CDH2: variants seen among roughly 807,000 people sequenced by gnomAD.
The protein encoded by CDH2 is cadherin 2.
A neutral mutation model predicts 92.0 loss-of-function variants in CDH2; 17 were observed. The observed-to-expected ratio is 0.18, with a 90% CI of 0.13 to 0.28. The LOEUF (loss-of-function observed/expected upper bound fraction) is 0.28, where lower values mean the gene tolerates loss of function less well. Among genes scored for constraint, CDH2 ranks in the 10% least tolerant of loss-of-function variants. The probability of loss-of-function intolerance (pLI) is 1.00; values close to 1 mark genes in which losing one functional copy is unlikely to be tolerated. For missense variants in CDH2, 862 were observed against 1,133.1 expected, an observed-to-expected ratio of 0.76 and a Z score of 3.44; for synonymous variants, 419 against 415.9, an observed-to-expected ratio of 1.01 and a Z score of -0.09.
chr18:28,034,894 A>G (rs2013788274), intron 2 of CDH2, among the ~76,000 whole-genome samples: 1 of 152,036 alleles, frequency 6.6e-6, no homozygotes, highest in African/African-American at 2.4e-5. Flanking sequence ...AAAGTAATGG[A>G]TGTCAAATGG....
downstream of CDH2, among the ~76,000 whole-genome samples, chr18:27,948,087 T>C (rs563859021): frequency 2.0e-5 from 3 of 150,520 alleles, no homozygotes; most frequent in Non-Finnish European, 1.5e-5. Context: ...GTTGGGTTTA[T>C]ACTGAAGTTT....
At chr18:27,939,453 T>C (rs144704414) in intron 6 of CDH2, among the ~76,000 whole-genome samples, 4 of 152,134 alleles carry the variant, frequency 2.6e-5, no homozygotes, top group African/African-American at 9.6e-5. Flanking sequence ...ATAGTAGAAA[T>C]GGAGGGGGTG....
intron 1 of CDH2, among the ~76,000 whole-genome samples, chr18:28,152,899 GAT>G (rs1381857852): frequency 1.3e-5 from 2 of 152,114 alleles, no homozygotes; most frequent in African/African-American, 4.8e-5. Flanking sequence ...AGATAGTTAA[GAT>G]CGATAGGGCC....
At chr18:27,956,918 A>G (rs1434391940) in intron 15 of CDH2, among the ~76,000 whole-genome samples, 4 of 152,152 alleles carry the variant, frequency 2.6e-5, no homozygotes, top group Non-Finnish European at 5.9e-5. Flanking sequence ...GCATACAGTA[A>G]AACTCTTTAG....
intron 2 of CDH2, among the ~76,000 whole-genome samples, chr18:28,047,016 C>T (rs554363159): frequency 1.4e-4 from 22 of 152,294 alleles, no homozygotes; most frequent in African/African-American, 5.3e-4. Flanking sequence ...TTATACATTA[C>T]TGGAATGTGC....
Position 27,985,028 on chromosome 18 carries a change from G to A in CDH2, c.2181C>T (p.Ala727=). 1 of 1,613,824 alleles carries A rather than the reference G, an allele frequency of 6.2e-7. No individual in the cohort carries two copies. The highest frequency in any genetic ancestry group is 8.5e-7 in the Non-Finnish European group (1 of 1,179,694). The change falls in exon 13 of 16, where the codon GCC becomes GCT. Residue 727 remains alanine (A), a synonymous_variant. Transcript: ENST00000269141. ...GCAGGATGATGATGCAGAGCAGGATGGCAATGATGGCACCGGTGCCAAGCC... is the reference window on the plus strand; with the variant it reads ...GCAGGATGATGATGCAGAGCAGGATAGCAATGATGGCACCGGTGCCAAGCC... ...GAGLGTGAII[A]ILLCIIILLI...
At chr18:28,066,486 T>C (rs1369437346) in intron 2 of CDH2, among the ~76,000 whole-genome samples, 1 of 152,152 alleles carries the variant, frequency 6.6e-6, no homozygotes, top group Non-Finnish European at 1.5e-5. Flanking sequence ...GGAATTGTAT[T>C]GACAACCCCC....
intron 2 of CDH2, among the ~76,000 whole-genome samples, chr18:28,109,414 T>C (rs568371661): frequency 2.2e-4 from 33 of 152,306 alleles, no homozygotes; most frequent in African/African-American, 7.2e-4. Flanking sequence ...CAGTAAAGTT[T>C]TTCTCCTCCT....
intron 2 of CDH2, among the ~76,000 whole-genome samples, chr18:28,087,119 A>G (rs1315050713): frequency 6.6e-6 from 1 of 152,146 alleles, no homozygotes; most frequent in Non-Finnish European, 1.5e-5. Context: ...CATGTCTCTT[A>G]CTTATACTTT....
intron 2 of CDH2, among the ~76,000 whole-genome samples, chr18:28,035,312 T>C (rs1483485483): frequency 2.0e-5 from 3 of 152,076 alleles, no homozygotes; most frequent in Non-Finnish European, 2.9e-5. Context: ...TTTGCTTTAA[T>C]AGCCTATTTT....
chr18:28,019,448 T>C (rs898045210), intron 2 of CDH2, among the ~76,000 whole-genome samples: 1 of 152,046 alleles, frequency 6.6e-6, no homozygotes, highest in African/African-American at 2.4e-5. Context: ...GGGGATTTCA[T>C]AGTCACTGGC....
intron 2 of CDH2, among the ~76,000 whole-genome samples, chr18:28,090,908 T>C (rs530286643): frequency 6.6e-6 from 1 of 152,272 alleles, no homozygotes; most frequent in East Asian, 1.9e-4. Flanking sequence ...ATTGAGATAA[T>C]AGAGATTAAG....
intron 2 of CDH2, chr18:28,146,132 G>A (rs1247599121): frequency 6.6e-6 from 1 of 152,082 alleles, no homozygotes; most frequent in Non-Finnish European, 1.5e-5. Context: ...ATCAATGGCT[G>A]CTAGTGACAC....
intron 2 of CDH2, among the ~76,000 whole-genome samples, chr18:28,094,760 C>G (rs1338224214): frequency 5.6e-5 from 8 of 143,546 alleles, no homozygotes; most frequent in Non-Finnish European, 9.0e-5. Flanking sequence ...CACCACTGCA[C>G]TCCAGCCTGG....
At chr18:27,990,980 T>C (rs1391832452) in intron 9 of CDH2, among the ~76,000 whole-genome samples, 3 of 152,170 alleles carry the variant, frequency 2.0e-5, no homozygotes, top group African/African-American at 4.8e-5. Context: ...ACTAAAACTC[T>C]GCTGTCTTCT....
intron 2 of CDH2, among the ~76,000 whole-genome samples, chr18:28,136,016 A>G (rs1028106849): frequency 2.0e-5 from 3 of 152,226 alleles, no homozygotes; most frequent in Admixed American, 1.3e-4. Flanking sequence ...AATGTACAGA[A>G]TATAAAGACT....
intron 1 of CDH2, among the ~76,000 whole-genome samples, chr18:28,170,415 G>C (rs1380386898): frequency 6.6e-6 from 1 of 151,958 alleles, no homozygotes; most frequent in Non-Finnish European, 1.5e-5. Flanking sequence ...GCATGATCTC[G>C]GCTCACTGCA....
intron 5 of CDH2, among the ~76,000 whole-genome samples, chr18:28,006,577 T>A (rs1236253900): frequency 6.7e-6 from 1 of 149,744 alleles, no homozygotes; most frequent in East Asian, 2.0e-4. Context: ...AAAAAAAAAA[T>A]TAGCTGGGCC....
intron 2 of CDH2, among the ~76,000 whole-genome samples, chr18:28,088,662 A>AG (rs2014981541): frequency 6.6e-6 from 1 of 152,134 alleles, no homozygotes; most frequent in South Asian, 2.1e-4. Context: ...AGGTGGACAG[A>AG]GGAAGAGGGT....
Sources: gnomAD v4.1 joint callset for allele counts (sites outside exome capture counted in the v4.1 genomes callset) on GRCh38, gnomAD v4.1.1 for gene constraint, MANE v1.5 for transcripts, NCBI Gene and HGNC (gene_info 2026-07-23, HGNC 2026-07-21) for gene names.